SRGAP1: variants seen among roughly 807,000 people sequenced by gnomAD.
SRGAP1 encodes SLIT-ROBO Rho GTPase-activating protein 1.
In SRGAP1, 43 loss-of-function variants were observed where a neutral mutation model predicts 121.9. That is an observed-to-expected ratio of 0.35 (90% CI 0.28 to 0.46). The LOEUF is 0.46. Ranked by LOEUF, SRGAP1 falls within the 20% of genes least tolerant of loss-of-function variation. SRGAP1 has a pLI of 1.00. For missense variants in SRGAP1, 1,102 were observed against 1,350.9 expected (o/e 0.82, Z 2.89); for synonymous variants, 447 against 485.4 (o/e 0.92, Z 1.04).
chr12:63,898,665 A>G (rs1028195322), intron 1 of SRGAP1, among the ~76,000 whole-genome samples: 15 of 152,354 alleles, frequency 9.8e-5, no homozygotes, highest in African/African-American at 3.6e-4. Flanking sequence ...ATTTGAAATG[A>G]TAGTATTAAT....
At chr12:63,933,483 A>T (rs1175225781) in intron 1 of SRGAP1, among the ~76,000 whole-genome samples, 3 of 152,196 alleles carry the variant, frequency 2.0e-5, no homozygotes, top group African/African-American at 7.2e-5. Flanking sequence ...CCAGATCCCT[A>T]GCTGAGATTT....
At chr12:63,859,319 C>T (rs1284089314) in intron 1 of SRGAP1, among the ~76,000 whole-genome samples, 1 of 152,020 alleles carries the variant, frequency 6.6e-6, no homozygotes, top group Non-Finnish European at 1.5e-5. Context: ...ACCACCATGC[C>T]TGGCTCCTGG....
chr12:64,035,414 G>A (rs1456046), intron 4 of SRGAP1, among the ~76,000 whole-genome samples: 81,562 of 151,804 alleles, frequency 0.54, 22,586 homozygotes, highest in South Asian at 0.66. Context: ...CCCCTACTGG[G>A]GAGAGATTAT....
rs199871786 is a variant in SRGAP1 at position 64,097,296 on chromosome 12, C to G, written c.1734C>G (p.Gly578=). The part of the protein sequence containing the change: ...QSNHDINSVA[G]VLKLYFRGLE... The stretch of plus-strand genomic sequence containing the variant: ...ACCATGATATTAACTCAGTTGCTGG[C>G]GTTCTGAAGCTCTATTTCCGTGGGC... The change falls in exon 15 of 22, where the codon GGC becomes GGG. Residue 578 remains glycine, a synonymous_variant. Coordinates refer to ENST00000355086, the MANE Select transcript of SRGAP1 (RefSeq NM_020762.4). The G allele has an allele frequency of 1.1e-5, 17 of 1,611,500 alleles. No homozygotes were observed. In the Admixed American group the frequency reaches 1.5e-4, roughly 14 times the overall value.
At chr12:64,090,761 CAGA>C (rs2036036174) in intron 11 of SRGAP1, among the ~76,000 whole-genome samples, 1 of 151,954 alleles carries the variant, frequency 6.6e-6, no homozygotes, top group Non-Finnish European at 1.5e-5. Flanking sequence ...CCCTTGAGCC[CAGA>C]AGAAGGTGGA....
rs1473129578 is a variant in SRGAP1, at chr12:64,155,629, T to C, written c.*12957T>C. 1 of 152,040 alleles carries C rather than the reference T, an allele frequency of 6.6e-6. No homozygotes were observed. Among genetic ancestry groups the C allele is most frequent in the Non-Finnish European group, 1.5e-5 (1 of 68,006 alleles). 9.4% of individuals were successfully genotyped at this position (152,040 alleles called of 1,614,324 possible). A position where few individuals can be genotyped will look rare whatever the true frequency, so the allele number is the denominator to read the frequency against. On this transcript the variant is annotated 3_prime_UTR_variant, in exon 22 of 22. Coordinates refer to ENST00000355086, the MANE Select transcript of SRGAP1 (RefSeq NM_020762.4). ...TTTATGTTTGTTTGTTTGCTTTGTT[T>C]TTTTTGAGACGTAGTCCCGCTCCGT... is the stretch of plus-strand genomic sequence containing the variant.
At chr12:63,980,285 C>T (rs2033212042) in intron 1 of SRGAP1, among the ~76,000 whole-genome samples, 1 of 152,098 alleles carries the variant, frequency 6.6e-6, no homozygotes, top group African/African-American at 2.4e-5. Context: ...AACATTTGAG[C>T]TCAAGCGATC....
At chr12:63,977,592 C>T (rs1207497274) in intron 1 of SRGAP1, among the ~76,000 whole-genome samples, 2 of 152,096 alleles carry the variant, frequency 1.3e-5, no homozygotes, top group Non-Finnish European at 2.9e-5. Context: ...GCAAGACATT[C>T]CTTCATTTCG....
Position 64,141,563 on chromosome 12 carries a change from G to C in SRGAP1, c.2881-732G>C, listed in dbSNP as rs957546951. On this transcript the variant is annotated intron_variant, in intron 21 of 21. Coordinates refer to ENST00000355086, the MANE Select transcript of SRGAP1 (RefSeq NM_020762.4). ...TCACTGCACTCCAGCCTGGGTGACA[G>C]AGCAAGACTGCATCTTGGGGGGGGA... Among the ~76,000 whole-genome samples the C allele has an allele frequency of 3.9e-5, 6 of 152,228 alleles. No individual in the cohort carries two copies. The East Asian group carries it at 9.7e-4, about 25-fold the overall frequency.
At chr12:63,927,216 T>C (rs148343499) in intron 1 of SRGAP1, among the ~76,000 whole-genome samples, 1 of 152,222 alleles carries the variant, frequency 6.6e-6, no homozygotes, top group Non-Finnish European at 1.5e-5. Context: ...TGGTTGGTCA[T>C]CCATTCCTAT....
intron 4 of SRGAP1, among the ~76,000 whole-genome samples, chr12:64,025,678 T>C (rs1376990361): frequency 1.3e-5 from 2 of 152,102 alleles, no homozygotes; most frequent in African/African-American, 2.4e-5. Context: ...AAACACTCTA[T>C]TTAGGGACCT....
chr12:63,846,845 G>A (rs996813430), intron 1 of SRGAP1, among the ~76,000 whole-genome samples: 1 of 152,114 alleles, frequency 6.6e-6, no homozygotes, highest in African/African-American at 2.4e-5. Context: ...GATCATATAC[G>A]CATTAAATGG....
At chr12:64,006,603 G>C (rs2034089688) in intron 3 of SRGAP1, among the ~76,000 whole-genome samples, 1 of 152,112 alleles carries the variant, frequency 6.6e-6, no homozygotes, top group Non-Finnish European at 1.5e-5. Context: ...TGAAAGCATT[G>C]GAATGGGAAG....
At chr12:64,039,657 G>GTGTGTGTGTGTA (rs1268539745) in intron 4 of SRGAP1, among the ~76,000 whole-genome samples, 1 of 148,416 alleles carries the variant, frequency 6.7e-6, no homozygotes, top group African/African-American at 2.5e-5. Flanking sequence ...GTGTGTGTGT[G>GTGTGTGTGTGTA]TGTACACCCT....
intron 1 of SRGAP1, among the ~76,000 whole-genome samples, chr12:63,928,255 A>T (rs921269172): frequency 6.6e-6 from 1 of 152,198 alleles, no homozygotes; most frequent in Non-Finnish European, 1.5e-5. Flanking sequence ...TATTTTGGAA[A>T]ATTGTTTGGC....
At chr12:63,984,717 T>G (rs2136410781) in intron 2 of SRGAP1, among the ~76,000 whole-genome samples, 1 of 152,242 alleles carries the variant, frequency 6.6e-6, no homozygotes, top group South Asian at 2.1e-4. Context: ...AATGTATGAT[T>G]TAAATCCTGG....
intron 1 of SRGAP1, among the ~76,000 whole-genome samples, chr12:63,882,597 A>G (rs947467512): frequency 2.6e-5 from 4 of 152,256 alleles, no homozygotes; most frequent in East Asian, 1.9e-4. Context: ...TAATGTTTTT[A>G]TAATTAAAAA....
At chr12:63,918,801 G>A (rs760378438) in intron 1 of SRGAP1, among the ~76,000 whole-genome samples, 7 of 152,090 alleles carry the variant, frequency 4.6e-5, no homozygotes, top group South Asian at 2.1e-4. Context: ...TGTATATGCC[G>A]AGTACTCTTC....
intron 1 of SRGAP1, among the ~76,000 whole-genome samples, chr12:63,906,615 T>G (rs2030225477): frequency 6.6e-6 from 1 of 152,126 alleles, no homozygotes; most frequent in African/African-American, 2.4e-5. Flanking sequence ...GCCTGGCTGA[T>G]TTTACATTTT....
Sources: gnomAD v4.1 joint callset for allele counts (sites outside exome capture counted in the v4.1 genomes callset) on GRCh38, gnomAD v4.1.1 for gene constraint, MANE v1.5 for transcripts, NCBI Gene and HGNC (gene_info 2026-07-23, HGNC 2026-07-21) for gene names.